PKD1L1: variants seen among roughly 807,000 people sequenced by gnomAD.
PKD1L1 encodes the protein polycystin 1 like 1, transient receptor potential channel interacting.
Under a neutral mutation model 323.4 loss-of-function variants are expected in PKD1L1, and 236 were observed. The observed-to-expected ratio is 0.73, with a 90% CI of 0.66 to 0.81. PKD1L1 has a LOEUF of 0.81. Among genes scored for constraint, PKD1L1 ranks in the 40% least tolerant of loss-of-function variants. The pLI is 0.00. For missense variants in PKD1L1, 3,320 were observed against 3,508.0 expected (o/e 0.95, Z 1.35); for synonymous variants, 1,344 against 1,335.0 (o/e 1.01, Z -0.15).
intron 19 of PKD1L1, among the ~76,000 whole-genome samples, chr7:47,883,936 A>T (rs923531557): frequency 4.6e-5 from 7 of 152,248 alleles, no homozygotes; most frequent in African/African-American, 1.7e-4. Flanking sequence ...TGTTCATTCG[A>T]TAGATGAATA....
At chr7:47,802,113 C>T (rs555309756) in intron 53 of PKD1L1, among the ~76,000 whole-genome samples, 1 of 151,196 alleles carries the variant, frequency 6.6e-6, no homozygotes, top group East Asian at 2.0e-4. Flanking sequence ...ATGGCATGAA[C>T]CCGGGAGGCG....
rs1788016906 is a variant in PKD1L1 at position 47,942,877 on chromosome 7, T to C, written c.160+519A>G. 2.0e-5 allele frequency among the ~76,000 whole-genome samples: 3 copies of C among 152,098 alleles called. 1 individual carries two copies. The South Asian group carries it at 6.2e-4, about 32-fold the overall frequency. ...AATATACCATCCTGGCCAGGCGCCG[T>C]GGCTCATGCCTGTAATCCCAGCACT... On this transcript the variant is annotated intron_variant, in intron 2 of 56. Coordinates refer to ENST00000289672, the MANE Select transcript of PKD1L1 (RefSeq NM_138295.5).
At chr7:47,882,897 G>C (rs953207890) in intron 19 of PKD1L1, among the ~76,000 whole-genome samples, 6 of 152,154 alleles carry the variant, frequency 3.9e-5, no homozygotes, top group African/African-American at 1.4e-4. Context: ...AAGAAGAGAA[G>C]CAGCGAGGGC....
At chr7:47,937,796 G>A (rs887175722) in intron 3 of PKD1L1, among the ~76,000 whole-genome samples, 13 of 152,264 alleles carry the variant, frequency 8.5e-5, no homozygotes, top group Non-Finnish European at 1.6e-4. Context: ...CACACTGAGA[G>A]CTTAGGTGGG....
rs368545823 is a variant in PKD1L1 at position 47,931,099 on chromosome 7, C to T, written c.737+5G>A. On this transcript the variant is annotated splice_donor_5th_base_variant and intron_variant, in intron 6 of 56. Coordinates refer to ENST00000289672, the MANE Select transcript of PKD1L1 (RefSeq NM_138295.5). The stretch of plus-strand genomic sequence containing the variant: ...GTGCTGGCCTCCATACCTCCTTCAC[C>T]GTACCTTCTGGGAGAAGTGGGAAAA... 6 of 1,613,054 alleles carry T rather than the reference C, an allele frequency of 3.7e-6. No individual in the cohort carries two copies. The highest frequency in any genetic ancestry group is 1.7e-4 in the Middle Eastern group (1 of 5,860).
chr7:47,813,163 C>T lies in PKD1L1; in HGVS notation c.7304G>A (p.Cys2435Tyr). Residue 2435 changes from cysteine to tyrosine, a missense_variant, in exon 49 of 57, where the codon TGT becomes TAT. Coordinates refer to ENST00000289672, the MANE Select transcript of PKD1L1 (RefSeq NM_138295.5). Reference sequence around the variant, plus strand: ...GAGCACACAGTCCTCCCTTGTCCCACAGCCCCCAGGACCATTCAGGGTCAC... The same window carrying T: ...GAGCACACAGTCCTCCCTTGTCCCATAGCCCCCAGGACCATTCAGGGTCAC... ...QNVTLNGPGG[C>Y]GTREDCVLSL... The T allele has an allele frequency of 1.2e-6, 2 of 1,614,070 alleles. No individual in the cohort carries two copies.
chr7:47,860,794 G>A (rs1347237472), intron 26 of PKD1L1, among the ~76,000 whole-genome samples: 3 of 117,388 alleles, frequency 2.6e-5, no homozygotes, highest in Non-Finnish European at 5.5e-5. Context: ...GGCAGACCCT[G>A]GGGTTCAGAG....
At chr7:47,799,242 G>C (rs1784609406) in intron 54 of PKD1L1, among the ~76,000 whole-genome samples, 1 of 152,152 alleles carries the variant, frequency 6.6e-6, no homozygotes, top group Non-Finnish European at 1.5e-5. Context: ...GTAGGTGTGT[G>C]GATGGGTGAT....
In PKD1L1 at chr7:47,808,297, C is replaced by T. The variant is rs1784823868; in HGVS notation, c.7777G>A (p.Gly2593Arg). Residue 2593 changes from glycine to arginine, a missense_variant, in exon 52 of 57, where the codon GGA (glycine) becomes AGA (arginine). Gly to Arg is a moderately radical substitution (Grantham distance 125, BLOSUM62 -2). Transcript: ENST00000289672. ...AGDVTNQFHR[G>R]LCRAFMDLTL... ...AGGTCCATAAATGCTCGGCAAAGTC[C>T]TCTGTGAAACTGGTTAGTGACATCT... 6.2e-7 allele frequency: 1 copy of T among 1,614,132 alleles called. No individual in the cohort carries two copies. The highest frequency in any genetic ancestry group is 1.3e-5 in the African/African-American group (1 of 75,018).
intron 12 of PKD1L1, among the ~76,000 whole-genome samples, chr7:47,903,467 A>G (rs1787135349): frequency 6.6e-6 from 1 of 152,110 alleles, no homozygotes; most frequent in African/African-American, 2.4e-5. Flanking sequence ...GCATGCACCA[A>G]TCTACAAGCC....
rs1043664459 is a variant in PKD1L1 at position 47,809,351 on chromosome 7, G to A, written c.7686+122C>T. 4 of 704,906 alleles carry A rather than the reference G, an allele frequency of 5.7e-6. No homozygotes were observed. In the South Asian group the frequency reaches 6.0e-5, roughly 10 times the overall value. 43.7% of individuals were successfully genotyped at this position (704,906 alleles called of 1,614,324 possible). A position where few individuals can be genotyped will look rare whatever the true frequency, so the allele number is the denominator to read the frequency against. On this transcript the variant is annotated intron_variant, in intron 51 of 56. Coordinates refer to ENST00000289672, the MANE Select transcript of PKD1L1 (RefSeq NM_138295.5). ...TGTTTTGAGATTAACACTACAGAGG[G>A]AGAAAACTGCAATAATGTTGGCAGT...
intron 21 of PKD1L1, among the ~76,000 whole-genome samples, chr7:47,879,304 C>G (rs1211585955): frequency 1.3e-5 from 2 of 152,128 alleles, no homozygotes; most frequent in African/African-American, 2.4e-5. Flanking sequence ...TAATGCAAAA[C>G]TGTGGATGTT....
rs1787004066 is a variant in PKD1L1, at chr7:47,898,253, T to C, written c.2065-59A>G. On this transcript the variant is annotated intron_variant, in intron 13 of 56. Transcript: ENST00000289672. ...ATGTCCATCACATCTAATGTACTGG[T>C]AAATTACTAGAAACTTAGTCTTAAC... 2.9e-6 allele frequency: 4 copies of C among 1,385,998 alleles called. No homozygotes were observed. In the South Asian group the frequency reaches 3.7e-5, roughly 13 times the overall value. 85.9% of individuals were successfully genotyped at this position (1,385,998 alleles called of 1,614,324 possible).
intron 50 of PKD1L1, 52 bp downstream of exon 50, chr7:47,811,765 A>G (rs1433179326): frequency 1.2e-5 from 18 of 1,449,740 alleles, no homozygotes; most frequent in Non-Finnish European, 6.6e-6. Flanking sequence ...GCCCAGGTGA[A>G]GCCCCATCTT....
chr7:47,863,235 G>A (rs1392525950), intron 26 of PKD1L1, among the ~76,000 whole-genome samples: 3 of 152,148 alleles, frequency 2.0e-5, no homozygotes, highest in African/African-American at 4.8e-5. Flanking sequence ...GGAGGAACAC[G>A]GGGTTGGAAG....
intron 8 of PKD1L1, among the ~76,000 whole-genome samples, chr7:47,909,137 A>T (rs979706035): frequency 1.3e-5 from 2 of 152,234 alleles, no homozygotes; most frequent in Admixed American, 1.3e-4. Context: ...TGTCAATACA[A>T]TTCCACTGAA....
chr7:47,888,330 G>A (rs114930436), intron 16 of PKD1L1, among the ~76,000 whole-genome samples, 180 bp from the exon 17 acceptor site: 1 of 152,190 alleles, frequency 6.6e-6, no homozygotes, highest in African/African-American at 2.4e-5. Context: ...TGCCAAGCTC[G>A]ACACTCACGT....
intron 15 of PKD1L1, among the ~76,000 whole-genome samples, chr7:47,891,054 G>A (rs1050743867): frequency 6.6e-6 from 1 of 152,046 alleles, no homozygotes; most frequent in East Asian, 1.9e-4. Context: ...TGCGCACAGC[G>A]ACCTCCTCTG....
rs62447082 is a variant in PKD1L1, at chr7:47,880,901, A to G, written c.3443-96T>C. On this transcript the variant is annotated intron_variant, in intron 20 of 56. Transcript: ENST00000289672. ...TGGAAATGAGTTCCACTCTTCCCCC[A>G]GGGGTGAAATTAACATAGATACTAG... 261,846 of 929,426 alleles carry G rather than the reference A, an allele frequency of 0.28. 40,615 individuals carry two copies. The highest frequency in any genetic ancestry group is 0.56 in the African/African-American group (31,852 of 57,302). The allele number at this position is 929,426 out of a possible 1,614,324, so 57.6% of individuals were successfully genotyped here.
Sources: gnomAD v4.1 joint callset for allele counts (sites outside exome capture counted in the v4.1 genomes callset) on GRCh38, gnomAD v4.1.1 for gene constraint, MANE v1.5 for transcripts, NCBI Gene and HGNC (gene_info 2026-07-23, HGNC 2026-07-21) for gene names.